The following SRGAP3 variants were observed in gnomAD, a reference collection of about 807,000 sequenced individuals.
The protein encoded by SRGAP3 is SLIT-ROBO Rho GTPase activating protein 3, also known as SLIT-ROBO Rho GTPase-activating protein 3.
In SRGAP3, 39 loss-of-function variants were observed where a neutral mutation model predicts 121.1. The observed-to-expected ratio is 0.32, with a 90% CI of 0.25 to 0.42. The LOEUF is 0.42. SRGAP3 is among the 10% of genes least tolerant of loss of function. SRGAP3 has a pLI of 1.00. For synonymous variants in SRGAP3, 601 were observed against 570.0 expected (o/e 1.05, Z -0.77); for missense variants, 1,213 against 1,470.6 (o/e 0.82, Z 2.86).
At chr3:9,126,740 A>G (rs142022041) in intron 1 of SRGAP3, among the ~76,000 whole-genome samples, 111 of 148,580 alleles carry the variant, frequency 7.5e-4, no homozygotes, top group African/African-American at 2.6e-3. Context: ...TTGGATGTAC[A>G]GTGTGGAATG....
intron 1 of SRGAP3, among the ~76,000 whole-genome samples, chr3:9,240,491 T>C (rs1289862045): frequency 6.6e-6 from 1 of 152,068 alleles, no homozygotes; most frequent in Non-Finnish European, 1.5e-5. Flanking sequence ...CACCCTTGCC[T>C]CATCTTTCTT....
chr3:9,298,710 G>A (rs1419853029), intron 3 of SRGAP3, among the ~76,000 whole-genome samples: 1 of 152,120 alleles, frequency 6.6e-6, no homozygotes, highest in African/African-American at 2.4e-5. Flanking sequence ...GTGGTCACAG[G>A]GAAAGACCTA....
intron 3 of SRGAP3, among the ~76,000 whole-genome samples, chr3:9,259,287 T>C (rs1954202683): frequency 1.3e-5 from 2 of 151,146 alleles, no homozygotes; most frequent in African/African-American, 4.9e-5. Flanking sequence ...TAATTTTTTC[T>C]TTTTTTTTAG....
At chr3:9,294,087 C>T (rs1954912108) in intron 3 of SRGAP3, among the ~76,000 whole-genome samples, 1 of 152,098 alleles carries the variant, frequency 6.6e-6, no homozygotes, top group Admixed American at 6.6e-5. Flanking sequence ...AACGTAAATG[C>T]CCATCAATGA....
intron 3 of SRGAP3, among the ~76,000 whole-genome samples, chr3:9,325,710 C>T (rs1391603853): frequency 2.0e-5 from 3 of 151,856 alleles, no homozygotes; most frequent in Non-Finnish European, 2.9e-5. Context: ...TATGAGGCAA[C>T]GTATGTACCA....
intron 1 of SRGAP3, among the ~76,000 whole-genome samples, chr3:9,189,823 A>C (rs1195845572): frequency 6.6e-6 from 1 of 152,198 alleles, no homozygotes; most frequent in Non-Finnish European, 1.5e-5. Context: ...ACCCAGCATC[A>C]CAGAGTAAAT....
chr3:9,221,094 G>A (rs904841278), intron 1 of SRGAP3, among the ~76,000 whole-genome samples: 2 of 146,590 alleles, frequency 1.4e-5, no homozygotes, highest in East Asian at 2.1e-4. Flanking sequence ...CCTGTGTAGA[G>A]CTGAGGGTCT....
intron 1 of SRGAP3, among the ~76,000 whole-genome samples, chr3:9,128,874 G>A (rs1949337417): frequency 6.6e-6 from 1 of 152,192 alleles, no homozygotes; most frequent in South Asian, 2.1e-4. Context: ...TATGGTGATA[G>A]AGGTCGGAAA....
intron 4 of SRGAP3, among the ~76,000 whole-genome samples, chr3:9,075,237 T>A (rs1482408061): frequency 6.8e-6 from 1 of 146,446 alleles, no homozygotes; most frequent in African/African-American, 2.6e-5. Flanking sequence ...GTTGGGCTGA[T>A]GGGAGTTCGA....
chr3:8,981,651 A>G lies in SRGAP3; in HGVS notation c.*3868T>C, dbSNP rs2124874913. 4.3e-6 allele frequency: 1 copy of G among 232,328 alleles called. No homozygotes were observed. Among genetic ancestry groups the G allele is most frequent in the Non-Finnish European group, 8.5e-6 (1 of 117,184 alleles). 14.4% of individuals were successfully genotyped at this position (232,328 alleles called of 1,614,324 possible). A position where few individuals can be genotyped will look rare whatever the true frequency, so the allele number is the denominator to read the frequency against. On this transcript the variant is annotated 3_prime_UTR_variant, in exon 22 of 22. Coordinates refer to ENST00000383836, the MANE Select transcript of SRGAP3 (RefSeq NM_014850.4). Reference sequence around the variant, plus strand: ...TCCAACAGAGAAGAAAGCCCCACATAAAGGCCCCTTCCCACACTGGTTCCT... The same window carrying G: ...TCCAACAGAGAAGAAAGCCCCACATGAAGGCCCCTTCCCACACTGGTTCCT...
chr3:9,046,039 A>G (rs1020652463), intron 10 of SRGAP3, among the ~76,000 whole-genome samples: 6 of 151,778 alleles, frequency 4.0e-5, no homozygotes, highest in Non-Finnish European at 8.8e-5. Context: ...CTGGCCCAAT[A>G]CTGAAATGTC....
intron 3 of SRGAP3, among the ~76,000 whole-genome samples, chr3:9,269,005 G>C (rs147428132): frequency 2.6e-5 from 4 of 152,154 alleles, no homozygotes; most frequent in African/African-American, 9.7e-5. Context: ...GTGGAAAGAC[G>C]GCAGAATTTG....
rs898863129 is a variant in SRGAP3 at position 9,058,618 on chromosome 3, C to A, written c.802-146G>T. 73 of 783,808 alleles carry A rather than the reference C, an allele frequency of 9.3e-5. 1 individual carries two copies. The highest frequency in any genetic ancestry group is 3.2e-4 in the Admixed American group (15 of 46,710). 48.6% of individuals were successfully genotyped at this position (783,808 alleles called of 1,614,324 possible). ...GGCCCCAAGGCACTTTGGAATCCTA[C>A]TGCACAAACCTCACGGCGCCCCTCA... is the stretch of plus-strand genomic sequence containing the variant. On this transcript the variant is annotated intron_variant, in intron 6 of 21. Coordinates refer to ENST00000383836, the MANE Select transcript of SRGAP3 (RefSeq NM_014850.4).
chr3:9,229,754 A>G (rs759909838), intron 1 of SRGAP3, among the ~76,000 whole-genome samples: 7 of 152,146 alleles, frequency 4.6e-5, no homozygotes, highest in Admixed American at 1.3e-4. Context: ...ATCCAAAACA[A>G]TGTAGCTTCT....
chr3:9,062,897 G>A (rs1231450521), intron 5 of SRGAP3, among the ~76,000 whole-genome samples: 1 of 152,148 alleles, frequency 6.6e-6, no homozygotes, highest in African/African-American at 2.4e-5. Context: ...GAATAAAATT[G>A]TTGAGTCACA....
At chr3:9,252,078 T>A (rs768838430), upstream of SRGAP3, among the ~76,000 whole-genome samples, 4 of 152,134 alleles carry the variant, frequency 2.6e-5, no homozygotes, top group Admixed American at 1.3e-4. Flanking sequence ...TGGGGATGGA[T>A]CCCTCAGGAA....
intron 2 of SRGAP3, among the ~76,000 whole-genome samples, chr3:9,115,981 G>A (rs77390001): frequency 6.6e-6 from 1 of 152,082 alleles, no homozygotes; most frequent in East Asian, 1.9e-4. Flanking sequence ...AATACACTAG[G>A]ACCAAACTGA....
At chr3:9,062,562 C>A (rs571027696) in intron 5 of SRGAP3, among the ~76,000 whole-genome samples, 16 of 152,286 alleles carry the variant, frequency 1.1e-4, no homozygotes, top group African/African-American at 3.9e-4. Flanking sequence ...GGAAACCAAT[C>A]ATCTATTTTC....
At chr3:9,210,267 A>C (rs1426919222) in intron 1 of SRGAP3, among the ~76,000 whole-genome samples, 3 of 152,248 alleles carry the variant, frequency 2.0e-5, no homozygotes, top group African/African-American at 7.2e-5. Context: ...AAGTCAATGA[A>C]CAGTACACTT....
Sources: allele counts gnomAD v4.1 joint callset (sites outside exome capture counted in the v4.1 genomes callset), GRCh38; gene constraint gnomAD v4.1.1; transcripts MANE v1.5; gene names NCBI Gene and HGNC (gene_info 2026-07-23, HGNC 2026-07-21).